The following GRIA1 variants were observed in gnomAD, a reference collection of about 807,000 sequenced individuals.
The protein encoded by GRIA1 is glutamate receptor 1.
A neutral mutation model predicts 99.2 loss-of-function variants in GRIA1; 31 were observed. The observed-to-expected ratio is 0.31, with a 90% CI of 0.23 to 0.42. GRIA1 has a LOEUF of 0.42. Among genes scored for constraint, GRIA1 ranks in the 10% least tolerant of loss-of-function variants. The probability of loss-of-function intolerance (pLI) is 1.00; values close to 1 mark genes in which losing one functional copy is unlikely to be tolerated. For synonymous variants in GRIA1, 438 were observed against 432.4 expected (o/e 1.01, Z -0.16); for missense variants, 782 against 1,157.5 (o/e 0.68, Z 4.71).
chr5:153,687,104 C>G (rs1267678949), intron 8 of GRIA1, among the ~76,000 whole-genome samples: 2 of 152,168 alleles, frequency 1.3e-5, no homozygotes, highest in African/African-American at 4.8e-5. Flanking sequence ...AATGTCATTC[C>G]CCAACGAAGC....
chr5:153,727,086 G>A (rs376930057), intron 11 of GRIA1, among the ~76,000 whole-genome samples: 5 of 152,010 alleles, frequency 3.3e-5, no homozygotes, highest in African/African-American at 9.7e-5. Flanking sequence ...TTCAATATAT[G>A]CAAATCACTA....
chr5:153,619,106 A>T (rs1470462822), intron 2 of GRIA1, among the ~76,000 whole-genome samples: 1 of 152,196 alleles, frequency 6.6e-6, no homozygotes, highest in Non-Finnish European at 1.5e-5. Context: ...TTAGCTTGAT[A>T]GGGCAATGGT....
chr5:153,507,018 G>C (rs2113282996), intron 2 of GRIA1, among the ~76,000 whole-genome samples: 1 of 152,264 alleles, frequency 6.6e-6, no homozygotes, highest in South Asian at 2.1e-4. Context: ...AGCTACTTGG[G>C]AGGCTGAGGC....
At chr5:153,690,055 T>C (rs904065781) in intron 8 of GRIA1, among the ~76,000 whole-genome samples, 2 of 152,142 alleles carry the variant, frequency 1.3e-5, no homozygotes, top group Non-Finnish European at 2.9e-5. Context: ...GAAGAATTAC[T>C]GGGAGGCCTT....
chr5:153,533,090 C>T (rs1758231378), intron 2 of GRIA1, among the ~76,000 whole-genome samples: 1 of 152,160 alleles, frequency 6.6e-6, no homozygotes, highest in Admixed American at 6.5e-5. Flanking sequence ...CCCCCATATT[C>T]AACATTCCTC....
rs571965154 is a variant in GRIA1 at position 153,804,600 on chromosome 5, T to C, written c.2520+2110T>C. ...TTCTCATTGCTTGTCTAAGACACAG[T>C]ACAGCATCATCATCTAGAGTAGAAG... On this transcript the variant is annotated intron_variant, in intron 15 of 15. Transcript: ENST00000285900. Among the ~76,000 whole-genome samples the C allele has an allele frequency of 2.1e-4, 32 of 152,298 alleles. No individual in the cohort carries two copies. In the South Asian group the frequency reaches 5.8e-3, roughly 28 times the overall value.
At chr5:153,722,675 G>T (rs751311748) in intron 11 of GRIA1, among the ~76,000 whole-genome samples, 2 of 152,132 alleles carry the variant, frequency 1.3e-5, no homozygotes, top group South Asian at 4.1e-4. Context: ...GTCTGTCTTT[G>T]CCAGGGTATT....
intron 2 of GRIA1, among the ~76,000 whole-genome samples, chr5:153,521,192 C>T (rs1248968062): frequency 1.3e-5 from 2 of 152,212 alleles, no homozygotes; most frequent in Non-Finnish European, 2.9e-5. Flanking sequence ...GATACCATGT[C>T]CTGAGTGAGC....
chr5:153,571,537 T>C (rs1307529109), intron 2 of GRIA1, among the ~76,000 whole-genome samples: 3 of 152,174 alleles, frequency 2.0e-5, no homozygotes, highest in African/African-American at 7.2e-5. Flanking sequence ...AAAATTTTTA[T>C]TCAACCACCT....
chr5:153,623,059 T>C (rs772816901), intron 2 of GRIA1, among the ~76,000 whole-genome samples: 3 of 152,176 alleles, frequency 2.0e-5, no homozygotes, highest in Non-Finnish European at 4.4e-5. Context: ...TAAGTGATAG[T>C]GTTGGGATTT....
At position 153,683,718 on chromosome 5, in the gene GRIA1, A is replaced by G. The variant is rs6889894; in HGVS notation, c.1030-2507A>G. On this transcript the variant is annotated intron_variant, in intron 7 of 15. Coordinates refer to ENST00000285900, the MANE Select transcript of GRIA1 (RefSeq NM_000827.4). ...GCCTCAATTTTAGATTTTATTTTTC[A>G]TAACTTTTACCCACTCTACACAGCA... Among the ~76,000 whole-genome samples, 648 of 152,294 alleles carry G rather than the reference A, an allele frequency of 4.3e-3. 5 individuals are homozygous for G. Among genetic ancestry groups the G allele is most frequent in the African/African-American group, 0.015 (614 of 41,562 alleles).
intron 2 of GRIA1, among the ~76,000 whole-genome samples, chr5:153,646,020 A>G (rs1009010017): frequency 6.6e-5 from 10 of 152,188 alleles, no homozygotes; most frequent in African/African-American, 2.4e-4. Flanking sequence ...CTCATCCTAT[A>G]TCATATAGTA....
At chr5:153,633,060 G>T (rs1201655268) in intron 2 of GRIA1, among the ~76,000 whole-genome samples, 1 of 152,170 alleles carries the variant, frequency 6.6e-6, no homozygotes, top group Non-Finnish European at 1.5e-5. Flanking sequence ...TGTGGGTGGG[G>T]CCTCAGGTGA....
At chr5:153,492,029 A>T in intron 1 of GRIA1, 1 of 841,666 alleles carries the variant, frequency 1.2e-6, no homozygotes, top group Non-Finnish European at 1.7e-6. Context: ...TCCCGGAATG[A>T]AGCAAGCTGC....
At chr5:153,577,390 A>ATGT (rs1762662850) in intron 2 of GRIA1, among the ~76,000 whole-genome samples, 1 of 152,206 alleles carries the variant, frequency 6.6e-6, no homozygotes, top group African/African-American at 2.4e-5. Flanking sequence ...CCAAGATGGT[A>ATGT]TGTTGTAATT....
chr5:153,738,910 C>G (rs919382599), intron 11 of GRIA1, among the ~76,000 whole-genome samples: 2 of 151,562 alleles, frequency 1.3e-5, no homozygotes, highest in African/African-American at 4.9e-5. Flanking sequence ...TTAGTAGAGA[C>G]GGGGTTTTAC....
At chr5:153,778,322 G>A (rs992618635) in intron 13 of GRIA1, among the ~76,000 whole-genome samples, 1 of 151,988 alleles carries the variant, frequency 6.6e-6, no homozygotes. Context: ...CTTCCTAAGA[G>A]ACTGGTGCGC....
intron 11 of GRIA1, among the ~76,000 whole-genome samples, chr5:153,714,695 G>A (rs1030276154): frequency 1.3e-5 from 2 of 152,222 alleles, no homozygotes; most frequent in African/African-American, 4.8e-5. Context: ...TTGAATTGAC[G>A]AGGAAAGTAT....
chr5:153,643,745 C>T (rs1394187942), intron 2 of GRIA1, among the ~76,000 whole-genome samples: 2 of 152,170 alleles, frequency 1.3e-5, no homozygotes, highest in Non-Finnish European at 1.5e-5. Context: ...ACCCTCTTAG[C>T]CTTAGAGGAG....
Sources: allele counts gnomAD v4.1 joint callset (sites outside exome capture counted in the v4.1 genomes callset), GRCh38; gene constraint gnomAD v4.1.1; transcripts MANE v1.5; gene names NCBI Gene and HGNC (gene_info 2026-07-23, HGNC 2026-07-21).